CDK6: variants seen among roughly 807,000 people sequenced by gnomAD.
CDK6 encodes the protein cyclin-dependent kinase 6.
A neutral mutation model predicts 37.1 loss-of-function variants in CDK6; 6 were observed. The ratio of observed to expected loss-of-function variants is 0.16; its 90% CI spans 0.09 to 0.32. The LOEUF is 0.32. Among genes scored for constraint, CDK6 ranks in the 10% least tolerant of loss-of-function variants. The probability of loss-of-function intolerance (pLI) is 1.00; values close to 1 mark genes in which losing one functional copy is unlikely to be tolerated. For synonymous variants in CDK6, 160 were observed against 161.3 expected, an observed-to-expected ratio of 0.99 and a Z score of 0.06; for missense variants, 224 against 418.9, an observed-to-expected ratio of 0.53 and a Z score of 4.06.
intron 4 of CDK6, among the ~76,000 whole-genome samples, chr7:92,691,201 T>C (rs1320343634): frequency 1.3e-5 from 2 of 152,120 alleles, no homozygotes. Context: ...TAAAGACAAA[T>C]AACATATCAT....
chr7:92,783,616 TAG>T (rs923591160), intron 2 of CDK6, among the ~76,000 whole-genome samples: 3 of 152,234 alleles, frequency 2.0e-5, no homozygotes, highest in African/African-American at 4.8e-5. Flanking sequence ...ACTGTGGCTC[TAG>T]GAGTTAATAT....
At position 92,727,453 on chromosome 7, in the gene CDK6, C is replaced by T. The variant is rs139223253; in HGVS notation, c.370-1660G>A. ...TCCTTTTATAAAGTGGAGAAAGTAG[C>T]GATTACTTTTCCTACTATTAAGGGG... On this transcript the variant is annotated intron_variant, in intron 3 of 7. Coordinates refer to ENST00000424848, the MANE Select transcript of CDK6 (RefSeq NM_001145306.2). Among the ~76,000 whole-genome samples, 169 of 152,172 alleles carry T rather than the reference C, an allele frequency of 1.1e-3. 5 individuals carry two copies. In the East Asian group the frequency reaches 0.031, roughly 28 times the overall value.
At chr7:92,633,616 A>C (rs989508042) in intron 5 of CDK6, among the ~76,000 whole-genome samples, 8 of 146,372 alleles carry the variant, frequency 5.5e-5, no homozygotes, top group African/African-American at 5.1e-5. Flanking sequence ...CTGGTTAACA[A>C]AGCTAGCCTT....
chr7:92,652,787 C>A (rs1796605352), intron 5 of CDK6, among the ~76,000 whole-genome samples: 1 of 152,202 alleles, frequency 6.6e-6, no homozygotes, highest in African/African-American at 2.4e-5. Context: ...CACTACAGGG[C>A]AACCCTTTCA....
intron 3 of CDK6, among the ~76,000 whole-genome samples, chr7:92,756,974 A>G (rs958929188): frequency 6.6e-6 from 1 of 152,142 alleles, no homozygotes; most frequent in Non-Finnish European, 1.5e-5. Flanking sequence ...CAGAACTGAA[A>G]CACAGGCCTG....
intron 4 of CDK6, among the ~76,000 whole-genome samples, chr7:92,705,122 ATTCT>A (rs1797937796): frequency 6.6e-6 from 1 of 152,190 alleles, no homozygotes; most frequent in African/African-American, 2.4e-5. Context: ...TGTACTCGAC[ATTCT>A]TTCTTGCATC....
At chr7:92,773,378 C>A (rs984866417) in intron 3 of CDK6, among the ~76,000 whole-genome samples, 5 of 152,094 alleles carry the variant, frequency 3.3e-5, no homozygotes, top group African/African-American at 1.2e-4. Flanking sequence ...AGGAAGGCCA[C>A]CAAGGTGGAA....
At chr7:92,645,178 A>G (rs1249161680) in intron 5 of CDK6, among the ~76,000 whole-genome samples, 3 of 152,188 alleles carry the variant, frequency 2.0e-5, no homozygotes, top group African/African-American at 7.2e-5. Context: ...GTTTTCACTC[A>G]GCTCTCATCA....
intron 5 of CDK6, among the ~76,000 whole-genome samples, chr7:92,669,225 T>G (rs1797023902): frequency 1.3e-5 from 2 of 152,218 alleles, no homozygotes; most frequent in Non-Finnish European, 2.9e-5. Context: ...ATGGGTGTTT[T>G]GTATATGTTC....
chr7:92,693,256 C>T (rs1797636524), intron 4 of CDK6, among the ~76,000 whole-genome samples: 2 of 152,104 alleles, frequency 1.3e-5, no homozygotes, highest in African/African-American at 4.8e-5. Context: ...GAAAGAGATA[C>T]AAGTAGAGAA....
intron 3 of CDK6, among the ~76,000 whole-genome samples, chr7:92,767,944 A>G (rs1734906090): frequency 2.0e-5 from 3 of 152,226 alleles, no homozygotes; most frequent in South Asian, 2.1e-4. Context: ...TTAATATACT[A>G]TAAGTGATAT....
chr7:92,718,734 C>G (rs1369404019), intron 4 of CDK6, among the ~76,000 whole-genome samples: 1 of 152,298 alleles, frequency 6.6e-6, no homozygotes, highest in Non-Finnish European at 1.5e-5. Flanking sequence ...GCTTCCCTGG[C>G]CCTTAGCCTA....
At position 92,614,762 on chromosome 7, in the gene CDK6, C is replaced by G; in HGVS notation, c.*378G>C. ...ACACACTCAAAAGTACCAAATCAGG[C>G]CCGGCAGCTGCAGAGAGATTACATC... On this transcript the variant is annotated 3_prime_UTR_variant, in exon 8 of 8. Transcript: ENST00000424848. 1 of 300,202 alleles carries G rather than the reference C, an allele frequency of 3.3e-6. No individual in the cohort carries two copies. The highest frequency in any genetic ancestry group is 6.3e-6 in the Non-Finnish European group (1 of 158,438). 18.6% of individuals were successfully genotyped at this position (300,202 alleles called of 1,614,324 possible).
chr7:92,664,165 G>T (rs1796903368), intron 5 of CDK6, among the ~76,000 whole-genome samples: 2 of 151,222 alleles, frequency 1.3e-5, no homozygotes, highest in Non-Finnish European at 1.5e-5. Context: ...AAAAAAAAGA[G>T]ATCTTCCCAT....
intron 2 of CDK6, among the ~76,000 whole-genome samples, chr7:92,830,693 G>C (rs1801454607): frequency 6.6e-6 from 1 of 152,180 alleles, no homozygotes; most frequent in African/African-American, 2.4e-5. Context: ...TCAAGGCAGA[G>C]GCAGAAGAGA....
intron 3 of CDK6, among the ~76,000 whole-genome samples, chr7:92,774,042 G>A (rs1799783510): frequency 6.6e-6 from 1 of 152,142 alleles, no homozygotes; most frequent in Non-Finnish European, 1.5e-5. Context: ...TTTATCAGCA[G>A]CATTTTCCAT....
intron 4 of CDK6, among the ~76,000 whole-genome samples, chr7:92,676,798 TCA>T (rs1797212888): frequency 6.6e-6 from 1 of 152,112 alleles, no homozygotes; most frequent in African/African-American, 2.4e-5. Context: ...CACTGACTTT[TCA>T]CAGAGTTGCA....
intron 3 of CDK6, among the ~76,000 whole-genome samples, chr7:92,749,644 G>A (rs1799143446): frequency 1.3e-5 from 2 of 152,136 alleles, no homozygotes; most frequent in Admixed American, 6.5e-5. Flanking sequence ...ATATCTCATA[G>A]GGAACTTCTG....
intron 5 of CDK6, among the ~76,000 whole-genome samples, chr7:92,645,106 G>A (rs1405240819): frequency 6.6e-6 from 1 of 152,196 alleles, no homozygotes; most frequent in Non-Finnish European, 1.5e-5. Flanking sequence ...CCCCAGGTGC[G>A]AATATAAAAG....
Sources: allele counts gnomAD v4.1 joint callset (sites outside exome capture counted in the v4.1 genomes callset), GRCh38; gene constraint gnomAD v4.1.1; transcripts MANE v1.5; gene names NCBI Gene and HGNC (gene_info 2026-07-23, HGNC 2026-07-21).